PLCB2: variants seen among roughly 807,000 people sequenced by gnomAD.
The protein encoded by PLCB2 is phospholipase C beta 2.
In PLCB2, 115 loss-of-function variants were observed where a neutral mutation model predicts 141.7. The ratio of observed to expected loss-of-function variants is 0.81; its 90% CI spans 0.70 to 0.95. PLCB2 has a LOEUF of 0.95. Among genes scored for constraint, PLCB2 ranks in the 40% least tolerant of loss-of-function variants. The pLI, the probability that PLCB2 is intolerant of heterozygous loss-of-function variation, is 0.00. For synonymous variants in PLCB2, 603 were observed against 595.6 expected, an observed-to-expected ratio of 1.01 and a Z score of -0.18; for missense variants, 1,403 against 1,541.1, an observed-to-expected ratio of 0.91 and a Z score of 1.50.
At chr15:40,285,448 G>A (rs2039597466), downstream of PLCB2, 8 of 804,836 alleles carry the variant, frequency 9.9e-6, no homozygotes, top group Non-Finnish European at 1.2e-5. Context: ...GTTAGAAAGT[G>A]TCAGGGAAAG....
At chr15:40,299,496 T>G (rs988595438) in intron 7 of PLCB2, among the ~76,000 whole-genome samples, 34 of 152,066 alleles carry the variant, frequency 2.2e-4, no homozygotes, top group South Asian at 6.2e-4. Flanking sequence ...CAGAATGAGG[T>G]AGAAAAGAGG....
chr15:40,304,354 G>A (rs1051671310), intron 1 of PLCB2, among the ~76,000 whole-genome samples: 3 of 152,054 alleles, frequency 2.0e-5, no homozygotes, highest in Admixed American at 6.6e-5. Flanking sequence ...CTCATAGAGC[G>A]AGACTCCCTA....
rs781062086 is a variant in PLCB2 at position 40,295,042 on chromosome 15, C to T, written c.1800G>A (p.Met600Ile). 2 of 1,613,006 alleles carry T rather than the reference C, an allele frequency of 1.2e-6. No individual in the cohort carries two copies. The highest frequency in any genetic ancestry group is 2.7e-5 in the African/African-American group (2 of 74,876). ...VQFVDYNKRQ[M>I]SRIYPKGTRM... ...GGGTTCCCTTGGGGTAAATGCGGCT[C>T]ATCTGGCGCTTGTTGTAGCTGTCCC... The change falls in exon 18 of 32, where the codon ATG (methionine) becomes ATA (isoleucine). Residue 600 changes from methionine to isoleucine, a missense_variant. Around this residue, in one of 4 missense-constraint regions of PLCB2, gnomAD observed 975 missense variants for 1,141.1 expected, o/e 0.85. Coordinates refer to ENST00000260402, the MANE Select transcript of PLCB2 (RefSeq NM_004573.3).
At chr15:40,286,663 A>G (rs1370152726), downstream of PLCB2, among the ~76,000 whole-genome samples, 2 of 152,206 alleles carry the variant, frequency 1.3e-5, no homozygotes, top group Non-Finnish European at 2.9e-5. Flanking sequence ...CACCTGCCCC[A>G]GTACCCCAAG....
chr15:40,296,449 G>C (rs2040222001), intron 15 of PLCB2, 57 bp from the exon 16 acceptor site: 14 of 1,613,052 alleles, frequency 8.7e-6, no homozygotes, highest in Non-Finnish European at 1.2e-5. Flanking sequence ...CCAGGAATGG[G>C]GCCCAAGGCC....
In PLCB2 at chr15:40,291,926, T is replaced by C; in HGVS notation, c.2527-2A>G. 6.2e-7 allele frequency: 1 copy of C among 1,614,102 alleles called. No homozygotes were observed. Among genetic ancestry groups the C allele is most frequent in the Non-Finnish European group, 8.5e-7 (1 of 1,179,980 alleles). The stretch of plus-strand genomic sequence containing the variant: ...TGGACTCGCCAGTGGGAAGGGCTTC[T>C]GTGTAGGGAGAGCAGGTCAGGAAGG... On this transcript the variant is annotated splice_acceptor_variant, in intron 23 of 31. Transcript: ENST00000260402. LOFTEE classifies it high-confidence loss of function.
rs1359351400 is a variant in PLCB2 at position 40,290,514 on chromosome 15, G to C, written c.3209+63C>G. ...GGAAGTGAGTCAGGATCCATTTGTA[G>C]AGAGGCCCCTTTCCACCTGAAGTGG... On this transcript the variant is annotated intron_variant, in intron 29 of 31. Transcript: ENST00000260402. 1.0e-5 allele frequency: 5 copies of C among 477,516 alleles called. No homozygotes were observed. The East Asian group carries it at 1.3e-4, about 12-fold the overall frequency. The allele number at this position is 477,516 out of a possible 1,614,324, so 29.6% of individuals were successfully genotyped here.
chr15:40,306,797 G>A (rs1049849078), intron 1 of PLCB2, among the ~76,000 whole-genome samples: 1 of 152,182 alleles, frequency 6.6e-6, no homozygotes, highest in Non-Finnish European at 1.5e-5. Context: ...CTCAGACTGG[G>A]CGAGCCCAGC....
chr15:40,302,903 A>C (rs56188519), intron 3 of PLCB2, among the ~76,000 whole-genome samples: 2,558 of 152,304 alleles, frequency 0.017, 77 homozygotes, highest in African/African-American at 0.058. Context: ...CTTAGCTCCC[A>C]GTCTCAGGAA....
chr15:40,295,456 A>C (rs976764757), intron 16 of PLCB2, among the ~76,000 whole-genome samples, 171 bp from the exon 17 acceptor site: 3 of 152,132 alleles, frequency 2.0e-5, no homozygotes, highest in African/African-American at 7.2e-5. Flanking sequence ...TATGAATCAC[A>C]GTGCCTGCTG....
At position 40,296,800 on chromosome 15, in the gene PLCB2, C is replaced by T. The variant is rs751626437; in HGVS notation, c.1432G>A (p.Gly478Ser). 22 of 1,614,036 alleles carry T rather than the reference C, an allele frequency of 1.4e-5. No individual in the cohort carries two copies. The highest frequency in any genetic ancestry group is 1.7e-5 in the Admixed American group (1 of 59,998). The change falls in exon 14 of 32, where the codon GGT becomes AGT. Residue 478 changes from glycine (G) to serine (S), a missense_variant. Coordinates refer to ENST00000260402, the MANE Select transcript of PLCB2 (RefSeq NM_004573.3). ...SGPTSSSKDT[G>S]GEAEGSSPPS... Reference sequence around the variant, plus strand: ...GGGCTGCTGCCCTCAGCCTCCCCACCAGTATCCTTACTGGAGGAGGTGGGG... The same window carrying T: ...GGGCTGCTGCCCTCAGCCTCCCCACTAGTATCCTTACTGGAGGAGGTGGGG...
In PLCB2 at chr15:40,290,051, G is replaced by T; in HGVS notation, c.3241C>A (p.Gln1081Lys). ...LKREINNSHI[Q>K]EVVQVIKQMT... ...TGCTTGATCACCTGCACTACTTCCT[G>T]GATGTGGGAGTTGTTAATCTCTCTC... The change falls in exon 30 of 32, where the codon CAG becomes AAG. Residue 1081 changes from glutamine to lysine, a missense_variant. Physicochemically the swap from Gln to Lys is moderately conservative, Grantham distance 53. Around this residue, in one of 4 missense-constraint regions of PLCB2, gnomAD observed 132 missense variants for 132.4 expected, o/e 1.00. Coordinates refer to ENST00000260402, the MANE Select transcript of PLCB2 (RefSeq NM_004573.3). The T allele has an allele frequency of 6.2e-7, 1 of 1,610,500 alleles. No homozygotes were observed. Among genetic ancestry groups the T allele is most frequent in the Non-Finnish European group, 8.5e-7 (1 of 1,177,020 alleles).
chr15:40,292,189 G>A, intron 22 of PLCB2, 31 bp from the exon 23 acceptor site: 2 of 1,591,890 alleles, frequency 1.3e-6, no homozygotes, highest in Non-Finnish European at 1.7e-6. Context: ...TTACAACATA[G>A]TGTATATGGA....
chr15:40,293,728 G>A lies in PLCB2; in HGVS notation c.2062-4C>T. ...ACAGGAACTGCCCAGAGATCACCTG[G>A]GGGTAGGGGCCCAGGAAAACCAGCA... is the stretch of plus-strand genomic sequence containing the variant. On this transcript the variant is annotated splice_region_variant and splice_polypyrimidine_tract_variant and intron_variant, in intron 19 of 31. Transcript: ENST00000260402. The A allele has an allele frequency of 6.2e-7, 1 of 1,604,418 alleles. No individual in the cohort carries two copies. Among genetic ancestry groups the A allele is most frequent in the Non-Finnish European group, 8.5e-7 (1 of 1,172,382 alleles).
Position 40,288,792 on chromosome 15 carries a change from C to T in PLCB2, c.3481G>A (p.Ala1161Thr), listed in dbSNP as rs1468788623. The T allele has an allele frequency of 6.2e-7, 1 of 1,613,988 alleles. No individual in the cohort carries two copies. The highest frequency in any genetic ancestry group is 1.1e-5 in the South Asian group (1 of 91,086). The change falls in exon 32 of 32, where the codon GCC (alanine) becomes ACC (threonine). Residue 1161 changes from alanine (A) to threonine (T), a missense_variant. By Grantham distance (58) the Ala-to-Thr change is moderately conservative. Transcript: ENST00000260402. Reference sequence around the variant, plus strand: ...CACAGCTCTGGGGGGCACTCGCAGGCCCTCTCAGGCTTGTCCTTGGCCTCG... The same window carrying T: ...CACAGCTCTGGGGGGCACTCGCAGGTCCTCTCAGGCTTGTCCTTGGCCTCG... Reference protein sequence around the residue: ...PSEAKDKPERACECPPELCEQ... With the variant: ...PSEAKDKPERTCECPPELCEQ...
intron 8 of PLCB2, 56 bp from the exon 9 acceptor site, chr15:40,299,020 C>A (rs553122643): frequency 6.3e-6 from 10 of 1,588,216 alleles, no homozygotes; most frequent in Admixed American, 1.7e-5. Context: ...GAGGCTTAGA[C>A]AACCCCCTTG....
chr15:40,290,454 G>C (rs977196692), intron 29 of PLCB2, 123 bp downstream of exon 29: 2 of 767,702 alleles, frequency 2.6e-6, no homozygotes, highest in Admixed American at 4.1e-5. Context: ...GGGGGGATCC[G>C]CTTTTTGGAG....
At chr15:40,295,467 G>A (rs2040157637) in intron 16 of PLCB2, among the ~76,000 whole-genome samples, 182 bp from the exon 17 acceptor site, 1 of 152,114 alleles carries the variant, frequency 6.6e-6, no homozygotes, top group South Asian at 2.1e-4. Flanking sequence ...GTGCCTGCTG[G>A]GGTGAGGGGT....
chr15:40,298,780 G>C lies in PLCB2; in HGVS notation c.850+18C>G. 6.2e-7 allele frequency: 1 copy of C among 1,610,872 alleles called. No individual in the cohort carries two copies. The highest frequency in any genetic ancestry group is 8.5e-7 in the Non-Finnish European group (1 of 1,177,566). The stretch of plus-strand genomic sequence containing the variant: ...CAGGACAGGACCACAGGGGACAAGG[G>C]GTTCCCTTAGTCCTCACCCCTCTGT... On this transcript the variant is annotated intron_variant, in intron 9 of 31. Coordinates refer to ENST00000260402, the MANE Select transcript of PLCB2 (RefSeq NM_004573.3).
Sources: allele counts gnomAD v4.1 joint callset (sites outside exome capture counted in the v4.1 genomes callset), GRCh38; gene constraint gnomAD v4.1.1; regional missense constraint gnomAD v4.1.1; transcripts MANE v1.5; gene names NCBI Gene and HGNC (gene_info 2026-07-23, HGNC 2026-07-21).